FAM178B: variants seen among roughly 807,000 people sequenced by gnomAD.
The protein encoded by FAM178B is protein FAM178B.
A neutral mutation model predicts 91.7 loss-of-function variants in FAM178B; 82 were observed. That is an observed-to-expected ratio of 0.89 (90% CI 0.75 to 1.07). FAM178B has a LOEUF of 1.07. Among genes scored for constraint, FAM178B ranks in the 50% least tolerant of loss-of-function variants. The pLI, the probability that FAM178B is intolerant of heterozygous loss-of-function variation, is 0.00. For synonymous variants in FAM178B, 368 were observed against 359.4 expected (o/e 1.02, Z -0.27); for missense variants, 769 against 846.7 (o/e 0.91, Z 1.14).
chr2:96,894,081 C>G, intron 13 of FAM178B, 30 bp from the exon 14 acceptor site: 1 of 1,582,844 alleles, frequency 6.3e-7, no homozygotes, highest in Non-Finnish European at 8.6e-7. Context: ...CTGTCACTCA[C>G]AGAGGGTGGT....
chr2:96,879,616 C>A (rs1217334021), intron 14 of FAM178B, among the ~76,000 whole-genome samples: 1 of 152,268 alleles, frequency 6.6e-6, no homozygotes, highest in Non-Finnish European at 1.5e-5. Context: ...CTCCCACCAG[C>A]AGCGCCCACC....
At chr2:96,976,638 A>G (rs1404732787) in intron 1 of FAM178B, among the ~76,000 whole-genome samples, 1 of 151,672 alleles carries the variant, frequency 6.6e-6, no homozygotes, top group Non-Finnish European at 1.5e-5. Context: ...TGAGGTCAGG[A>G]GTTCAAGACC....
rs1215281535 is a variant in FAM178B, at chr2:96,902,693, T to C, written c.1577A>G (p.Gln526Arg). The stretch of plus-strand genomic sequence containing the variant: ...TCGAGCAATGACCACAAGGCTGAGC[T>C]GGCTTCGAAGCCGCCTGGGGGAAAA... ...MTSRSRRLRS[Q>R]LSLVVIARML... is the part of the protein sequence containing the mutation. The change falls in exon 13 of 17, where the codon CAG becomes CGG. Residue 526 changes from glutamine (Q) to arginine (R), a missense_variant. Gln to Arg is a conservative substitution (Grantham distance 43, BLOSUM62 1). Transcript: ENST00000490605. 6.4e-7 allele frequency: 1 copy of C among 1,550,500 alleles called. No individual in the cohort carries two copies. Among genetic ancestry groups the C allele is most frequent in the Admixed American group, 2.0e-5 (1 of 51,000 alleles).
chr2:96,972,381 A>C, intron 2 of FAM178B, 59 bp from the exon 3 acceptor site: 3 of 1,471,022 alleles, frequency 2.0e-6, no homozygotes, highest in Non-Finnish European at 2.7e-6. Context: ...CCCAGACGTC[A>C]AGCCACACTG....
At chr2:96,970,180 G>A (rs762127590) in intron 4 of FAM178B, among the ~76,000 whole-genome samples, 9 of 152,166 alleles carry the variant, frequency 5.9e-5, no homozygotes, top group Non-Finnish European at 8.8e-5. Context: ...TGCCTTCAGC[G>A]GTCCGTGGAA....
chr2:96,915,515 C>A lies in FAM178B; in HGVS notation c.1562+5650G>T, dbSNP rs374237640. Among the ~76,000 whole-genome samples the A allele has an allele frequency of 3.5e-4, 53 of 151,846 alleles. No individual in the cohort carries two copies. In the South Asian group the frequency reaches 0.011, roughly 30 times the overall value. On this transcript the variant is annotated intron_variant, in intron 12 of 16. Coordinates refer to ENST00000490605, the MANE Select transcript of FAM178B (RefSeq NM_001122646.3). The stretch of plus-strand genomic sequence containing the variant: ...GCAGGAGCTTGGAGGCCGACAGGGT[C>A]TTTAGAAAGGGGAAATAAGAGGATG...
intron 6 of FAM178B, among the ~76,000 whole-genome samples, chr2:96,952,510 A>ATGAGCCCTGCCT (rs1173941291): frequency 1.3e-5 from 2 of 152,138 alleles, no homozygotes; most frequent in African/African-American, 4.8e-5. Flanking sequence ...TGGTGTGGAG[A>ATGAGCCCTGCCT]TGAGCCCTGC....
rs1490073873 is a variant in FAM178B at position 96,893,923 on chromosome 2, C to T, written c.1776+3G>A. On this transcript the variant is annotated splice_donor_region_variant and intron_variant, in intron 14 of 16. Coordinates refer to ENST00000490605, the MANE Select transcript of FAM178B (RefSeq NM_001122646.3). ...GGCAGGCGGGTGCTGGGTGCTCACTCACCTTGTGGTCTAGCTCGGCACTAG... is the reference window on the plus strand; with the variant it reads ...GGCAGGCGGGTGCTGGGTGCTCACTTACCTTGTGGTCTAGCTCGGCACTAG... 1 of 1,611,118 alleles carries T rather than the reference C, an allele frequency of 6.2e-7. No individual in the cohort carries two copies. Among genetic ancestry groups the T allele is most frequent in the African/African-American group, 1.3e-5 (1 of 74,862 alleles).
intron 12 of FAM178B, among the ~76,000 whole-genome samples, chr2:96,914,479 A>G (rs560656850): frequency 2.6e-4 from 40 of 152,360 alleles, no homozygotes; most frequent in African/African-American, 9.4e-4. Flanking sequence ...CTTCCTTCCA[A>G]GATGATGCAA....
In FAM178B at chr2:96,970,671, C is replaced by T. The variant is rs371559635; in HGVS notation, c.626+45G>A. 4.4e-5 allele frequency: 64 copies of T among 1,458,718 alleles called. No individual in the cohort carries two copies. The East Asian group carries it at 7.4e-4, about 17-fold the overall frequency. 90.4% of individuals were successfully genotyped at this position (1,458,718 alleles called of 1,614,324 possible). A position where few individuals can be genotyped will look rare whatever the true frequency, so the allele number is the denominator to read the frequency against. On this transcript the variant is annotated intron_variant, in intron 4 of 16. Coordinates refer to ENST00000490605, the MANE Select transcript of FAM178B (RefSeq NM_001122646.3). ...AGTGAGTCCCGGGACTGCTGCCAAC[C>T]CTGCAGAAATAAGCACCCCATGACA...
chr2:96,878,429 G>GT lies in FAM178B; in HGVS notation c.1840dup (p.Thr614AsnfsTer103), dbSNP rs770947139. On this transcript the variant is annotated frameshift_variant, in exon 15 of 17. Coordinates refer to ENST00000490605, the MANE Select transcript of FAM178B (RefSeq NM_001122646.3). LOFTEE classifies it high-confidence loss of function. ...TGGGAGACTCACCCACTGGTCTGGAGTGATGTCCTGGCAGCTAACAACTAC... is the reference window on the plus strand; with the variant it reads ...TGGGAGACTCACCCACTGGTCTGGAGTTGATGTCCTGGCAGCTAACAACTAC... The GT allele has an allele frequency of 6.2e-7, 1 of 1,613,858 alleles. No individual in the cohort carries two copies. Among genetic ancestry groups the GT allele is most frequent in the African/African-American group, 1.3e-5 (1 of 74,928 alleles).
Position 96,951,302 on chromosome 2 carries a change from A to AC in FAM178B, c.993+76dup, listed in dbSNP as rs2081923354. On this transcript the variant is annotated intron_variant, in intron 7 of 16. Coordinates refer to ENST00000490605, the MANE Select transcript of FAM178B (RefSeq NM_001122646.3). The stretch of plus-strand genomic sequence containing the variant: ...TAAGGCAAGAAGAGGTGAAGTGCCC[A>AC]CCCCTCAGCCTGTGGGCCTGCCGGG... The AC allele has an allele frequency of 2.4e-5, 25 of 1,045,526 alleles. No individual in the cohort carries two copies. The East Asian group carries it at 6.2e-4, about 26-fold the overall frequency. 64.8% of individuals were successfully genotyped at this position (1,045,526 alleles called of 1,614,324 possible).
At chr2:96,921,994 C>T (rs1365202760) in intron 10 of FAM178B, among the ~76,000 whole-genome samples, 2 of 152,110 alleles carry the variant, frequency 1.3e-5, no homozygotes, top group African/African-American at 2.4e-5. Context: ...CTCACAAAGA[C>T]CCCGCTGATA....
In FAM178B at chr2:96,947,844, A is replaced by T; in HGVS notation, c.1052T>A (p.Ile351Asn). ...LGAFGLLWDL[I>N]VDGIFLQPDE... ...AGGCTGAAGGAAGATTCCATCCACA[A>T]TGAGATCCCACAGAAGACCAAAGGC... Residue 351 changes from isoleucine to asparagine, a missense_variant, in exon 8 of 17, where the codon ATT becomes AAT. Transcript: ENST00000490605. 1 of 1,547,360 alleles carries T rather than the reference A, an allele frequency of 6.5e-7. No individual in the cohort carries two copies. The highest frequency in any genetic ancestry group is 8.7e-7 in the Non-Finnish European group (1 of 1,143,120).
intron 6 of FAM178B, among the ~76,000 whole-genome samples, chr2:96,958,242 T>C (rs1367625571): frequency 1.3e-5 from 2 of 152,064 alleles, no homozygotes; most frequent in African/African-American, 4.8e-5. Flanking sequence ...GCTAATTTTT[T>C]TGTATTTTTA....
chr2:96,963,732 C>T (rs1020072638), intron 5 of FAM178B, among the ~76,000 whole-genome samples: 1 of 152,268 alleles, frequency 6.6e-6, no homozygotes, highest in African/African-American at 2.4e-5. Flanking sequence ...CACTGCAGCA[C>T]AGCCATGCGC....
chr2:96,961,399 C>T (rs367874154), intron 5 of FAM178B, among the ~76,000 whole-genome samples: 4 of 151,964 alleles, frequency 2.6e-5, no homozygotes, highest in African/African-American at 7.3e-5. Flanking sequence ...ACACGTGCAA[C>T]GCCCACCCCC....
intron 1 of FAM178B, among the ~76,000 whole-genome samples, chr2:96,972,824 A>G (rs2082240916): frequency 6.6e-6 from 1 of 152,004 alleles, no homozygotes; most frequent in Non-Finnish European, 1.5e-5. Context: ...GAGGATATCA[A>G]TTTTCTTTTT....
Position 96,919,943 on chromosome 2 carries a change from C to G in FAM178B, c.1562+1222G>C, listed in dbSNP as rs559055912. Among the ~76,000 whole-genome samples, 28 of 152,318 alleles carry G rather than the reference C, an allele frequency of 1.8e-4. No homozygotes were observed. The South Asian group carries it at 5.8e-3, about 32-fold the overall frequency. On this transcript the variant is annotated intron_variant, in intron 12 of 16. Transcript: ENST00000490605. ...AGCAGAGCCTCTACCAGGCTGGGCC[C>G]TGGGGTGTGAGGCGATTCAAACTCC... is the stretch of plus-strand genomic sequence containing the variant.
Sources: allele counts gnomAD v4.1 joint callset (sites outside exome capture counted in the v4.1 genomes callset), GRCh38; gene constraint gnomAD v4.1.1; transcripts MANE v1.5; gene names NCBI Gene and HGNC (gene_info 2026-07-23, HGNC 2026-07-21).